Variants in HPCAL1 observed in about 807,000 individuals in gnomAD.
The protein encoded by HPCAL1 is hippocalcin-like protein 1.
In HPCAL1, 8 loss-of-function variants were observed where a neutral mutation model predicts 17.1. The observed-to-expected ratio is 0.47, with a 90% CI of 0.27 to 0.84. HPCAL1 has a LOEUF of 0.84. Ranked by LOEUF, HPCAL1 falls within the 40% of genes least tolerant of loss-of-function variation. The probability of loss-of-function intolerance (pLI) is 0.13; values close to 1 mark genes in which losing one functional copy is unlikely to be tolerated. For missense variants in HPCAL1, 165 were observed against 271.1 expected, an observed-to-expected ratio of 0.61 and a Z score of 2.75; for synonymous variants, 112 against 111.4, an observed-to-expected ratio of 1.01 and a Z score of -0.03.
chr2:10,366,791 G>A (rs1666881508), intron 1 of HPCAL1, among the ~76,000 whole-genome samples: 2 of 152,200 alleles, frequency 1.3e-5, no homozygotes, highest in Admixed American at 1.3e-4. Context: ...TGTGGTACGG[G>A]CTTTCTGCAC....
intron 1 of HPCAL1, among the ~76,000 whole-genome samples, chr2:10,345,767 T>C (rs1382317556): frequency 1.3e-5 from 2 of 152,244 alleles, no homozygotes; most frequent in African/African-American, 2.4e-5. Context: ...AGAAAAACTT[T>C]TAAAAATTTT....
intron 2 of HPCAL1, among the ~76,000 whole-genome samples, chr2:10,399,262 TCACCACCACCACCACCATCACCACCAC>T (rs1669306446): frequency 7.0e-5 from 1 of 14,294 alleles, no homozygotes; most frequent in Non-Finnish European, 1.4e-4. Flanking sequence ...ACCACCACCA[TCACCACCACCACCACCATCACCACCAC>T]CACCACCATC....
intron 1 of HPCAL1, among the ~76,000 whole-genome samples, chr2:10,313,962 C>A (rs1252710978): frequency 1.3e-5 from 2 of 152,028 alleles, no homozygotes; most frequent in African/African-American, 4.8e-5. Flanking sequence ...GAAACCCCGT[C>A]TCTACTAAAA....
intron 1 of HPCAL1, among the ~76,000 whole-genome samples, chr2:10,356,871 C>T (rs1666193655): frequency 6.6e-6 from 1 of 152,186 alleles, no homozygotes; most frequent in Non-Finnish European, 1.5e-5. Flanking sequence ...ATCTCCAAAT[C>T]CCAGCTGCAT....
Position 10,378,257 on chromosome 2 carries a change from G to A in HPCAL1, c.-110-18578G>A, listed in dbSNP as rs1667712240. On this transcript the variant is annotated intron_variant, in intron 1 of 4. Coordinates refer to ENST00000307845, the MANE Select transcript of HPCAL1 (RefSeq NM_002149.4). ...TTTTTTTTTTTTTTTTTACTGCTTT[G>A]AAGGGAGGTGTGGGACTCGTTTGCA... is the stretch of plus-strand genomic sequence containing the variant. Among the ~76,000 whole-genome samples the A allele has an allele frequency of 2.4e-5, 3 of 125,950 alleles. No individual in the cohort carries two copies. The South Asian group carries it at 8.1e-4, about 34-fold the overall frequency. The allele number at this position is 125,950 out of a possible 152,430, so 82.6% of individuals were successfully genotyped here.
At chr2:10,371,749 C>T (rs1182984100) in intron 1 of HPCAL1, among the ~76,000 whole-genome samples, 6 of 152,298 alleles carry the variant, frequency 3.9e-5, no homozygotes, top group Admixed American at 1.3e-4. Flanking sequence ...TGGGCCTGCC[C>T]GGAAAGGTCC....
intron 2 of HPCAL1, among the ~76,000 whole-genome samples, chr2:10,417,188 C>T (rs1340700109): frequency 6.6e-6 from 1 of 152,020 alleles, no homozygotes; most frequent in African/African-American, 2.4e-5. Context: ...CATGGTGAAA[C>T]CCCATCTCTA....
intron 1 of HPCAL1, among the ~76,000 whole-genome samples, chr2:10,370,422 C>T (rs1427598170): frequency 6.6e-6 from 1 of 152,226 alleles, no homozygotes; most frequent in Non-Finnish European, 1.5e-5. Flanking sequence ...CCCATACAAG[C>T]CCTAAACCCT....
intron 2 of HPCAL1, among the ~76,000 whole-genome samples, chr2:10,406,015 C>T (rs780050492): frequency 3.3e-5 from 5 of 152,154 alleles, no homozygotes; most frequent in South Asian, 2.1e-4. Context: ...GGAGCATTAC[C>T]GGGTAGTGGG....
At chr2:10,340,461 A>T (rs2125441683) in intron 1 of HPCAL1, among the ~76,000 whole-genome samples, 1 of 152,012 alleles carries the variant, frequency 6.6e-6, no homozygotes, top group Middle Eastern at 3.4e-3. Flanking sequence ...TTAACGTTGG[A>T]TGACTCAGAA....
rs542156767 is a variant in HPCAL1, at chr2:10,412,321, A to G, written c.-24-7413A>G. Among the ~76,000 whole-genome samples, 30 of 152,354 alleles carry G rather than the reference A, an allele frequency of 2.0e-4. No individual in the cohort carries two copies. The South Asian group carries it at 5.8e-3, about 29-fold the overall frequency. ...ATGAAACCAGTTACACACCATCCTT[A>G]GGTACATGACTGGTTGGGGAAATGG... On this transcript the variant is annotated intron_variant, in intron 2 of 4. Transcript: ENST00000307845.
chr2:10,366,609 G>C (rs1423694896), intron 1 of HPCAL1, among the ~76,000 whole-genome samples: 5 of 152,282 alleles, frequency 3.3e-5, no homozygotes, highest in Non-Finnish European at 7.4e-5. Context: ...GAGCACATCT[G>C]TCTGGCATCA....
chr2:10,326,585 G>A (rs922147329), intron 1 of HPCAL1, among the ~76,000 whole-genome samples: 1 of 152,230 alleles, frequency 6.6e-6, no homozygotes, highest in African/African-American at 2.4e-5. Context: ...AGGTGAGGCT[G>A]CCCTGCACCA....
At chr2:10,398,740 C>T (rs1669227319) in intron 2 of HPCAL1, among the ~76,000 whole-genome samples, 1 of 152,186 alleles carries the variant, frequency 6.6e-6, no homozygotes. Flanking sequence ...CTTCCTCTTC[C>T]TGAGGGAGGC....
chr2:10,337,699 C>T (rs1664801402), intron 1 of HPCAL1, among the ~76,000 whole-genome samples: 1 of 152,202 alleles, frequency 6.6e-6, no homozygotes, highest in Admixed American at 6.5e-5. Context: ...GCTCTTTCTC[C>T]TCCACTCTGG....
At chr2:10,361,683 A>G (rs1403571060) in intron 1 of HPCAL1, among the ~76,000 whole-genome samples, 1 of 152,042 alleles carries the variant, frequency 6.6e-6, no homozygotes, top group Admixed American at 6.6e-5. Flanking sequence ...AAAGCTTGCC[A>G]GATGCTTTCA....
At chr2:10,378,305 C>T (rs530781466) in intron 1 of HPCAL1, among the ~76,000 whole-genome samples, 5 of 139,194 alleles carry the variant, frequency 3.6e-5, no homozygotes, top group African/African-American at 1.4e-4. Context: ...ATTTCCAAGG[C>T]TTGTGCAGGG....
chr2:10,392,655 A>G (rs1410835144), intron 1 of HPCAL1, among the ~76,000 whole-genome samples: 1 of 131,374 alleles, frequency 7.6e-6, no homozygotes, highest in Non-Finnish European at 1.7e-5. Flanking sequence ...TGTCATCTCC[A>G]TTTTACAAAT....
rs1670946774 is a variant in HPCAL1, at chr2:10,420,091, G to C, written c.334G>C (p.Gly112Arg). 6.2e-7 allele frequency: 1 copy of C among 1,613,328 alleles called. No homozygotes were observed. Among genetic ancestry groups the C allele is most frequent in the South Asian group, 1.1e-5 (1 of 91,080 alleles). ...KWAFSMYDLD[G>R]NGYISRSEML... The stretch of plus-strand genomic sequence containing the variant: ...GGCCTTCAGCATGTACGACCTGGAC[G>C]GCAACGGCTACATCAGCCGCAGCGA... The change falls in exon 3 of 5, where the codon GGC (glycine) becomes CGC (arginine). Residue 112 changes from glycine to arginine, a missense_variant. Gly to Arg is a moderately radical substitution (Grantham distance 125). Coordinates refer to ENST00000307845, the MANE Select transcript of HPCAL1 (RefSeq NM_002149.4).
Sources: gnomAD v4.1 joint callset for allele counts (sites outside exome capture counted in the v4.1 genomes callset) on GRCh38, gnomAD v4.1.1 for gene constraint, MANE v1.5 for transcripts, NCBI Gene and HGNC (gene_info 2026-07-23, HGNC 2026-07-21) for gene names.